Variants in IQSEC2 observed in about 807,000 individuals in gnomAD.
IQSEC2 encodes IQ motif and Sec7 domain ArfGEF 2.
Under a neutral mutation model 74.6 loss-of-function variants are expected in IQSEC2, and 6 were observed. The ratio of observed to expected loss-of-function variants is 0.08; its 90% CI spans 0.04 to 0.16. The LOEUF (loss-of-function observed/expected upper bound fraction) is 0.16, where lower values mean the gene tolerates loss of function less well. Among genes scored for constraint, IQSEC2 ranks in the 10% least tolerant of loss-of-function variants. IQSEC2 has a pLI of 1.00. For missense variants in IQSEC2, 734 were observed against 1,306.2 expected (o/e 0.56, Z 6.75); for synonymous variants, 494 against 544.5 (o/e 0.91, Z 1.29).
chrX:53,245,858 CTTT>C (rs368569948), intron 8 of IQSEC2, among the ~76,000 whole-genome samples: 2 of 75,669 alleles, frequency 2.6e-5, no homozygotes, highest in African/African-American at 4.7e-5. Flanking sequence ...CTCAATTGTT[CTTT>C]TTTTTTTTTT....
chrX:53,297,032 G>A (rs1191462810), intron 1 of IQSEC2, among the ~76,000 whole-genome samples: 3 of 107,536 alleles, frequency 2.8e-5, no homozygotes, highest in Non-Finnish European at 5.8e-5. Flanking sequence ...ATAAGGTCTC[G>A]CTCTGTCACC....
chrX:53,256,796 C>A (rs2074480075), intron 2 of IQSEC2, among the ~76,000 whole-genome samples: 1 of 112,645 alleles, frequency 8.9e-6, no homozygotes, highest in African/African-American at 3.2e-5. Context: ...AGCAGCCCTG[C>A]GGGGCAGCTT....
chrX:53,316,455 C>T (rs1307588505), intron 1 of IQSEC2, among the ~76,000 whole-genome samples: 1 of 111,105 alleles, frequency 9.0e-6, no homozygotes, highest in African/African-American at 3.3e-5. Context: ...CTCTCAGTGG[C>T]CTTAGCCCCT....
intron 2 of IQSEC2, among the ~76,000 whole-genome samples, chrX:53,266,028 T>C (rs2074650807): frequency 8.9e-6 from 1 of 112,364 alleles, no homozygotes; most frequent in African/African-American, 3.2e-5. Flanking sequence ...TTCTTAAAAC[T>C]GTAGCATCTC....
chrX:53,235,686 G>A (rs1449678105), intron 14 of IQSEC2, 97 bp downstream of exon 14: 20 of 925,301 alleles, frequency 2.2e-5, no homozygotes, highest in Non-Finnish European at 2.8e-5. Flanking sequence ...GTTCCCAGCA[G>A]GGAAGAGGGG....
chrX:53,300,026 G>C (rs782304438), intron 1 of IQSEC2, among the ~76,000 whole-genome samples: 107 of 110,058 alleles, frequency 9.7e-4, no homozygotes, highest in African/African-American at 3.4e-3. Flanking sequence ...TCCCAAAGTT[G>C]GGGGGGGAAT....
chrX:53,256,114 C>T lies in IQSEC2; in HGVS notation c.738-53G>A, dbSNP rs1192429849. On this transcript the variant is annotated intron_variant, in intron 2 of 14. Coordinates refer to ENST00000642864, the MANE Select transcript of IQSEC2 (RefSeq NM_001111125.3). ...GATGTGGGGACAGGACAGGGGCCTA[C>T]TGGGCCATACTGAGAGTGGGTGAGC... 6.6e-6 allele frequency: 7 copies of T among 1,063,465 alleles called. No individual in the cohort carries two copies. The East Asian group carries it at 2.2e-4, about 33-fold the overall frequency. 87.6% of individuals were successfully genotyped at this position (1,063,465 alleles called of 1,213,427 possible). A position where few individuals can be genotyped will look rare whatever the true frequency, so the allele number is the denominator to read the frequency against.
At position 53,248,111 on chromosome X, in the gene IQSEC2, C is replaced by T. The variant is rs782493529; in HGVS notation, c.2582+3G>A. 1 of 1,211,422 alleles carries T rather than the reference C, an allele frequency of 8.3e-7. No homozygotes were observed. The highest frequency in any genetic ancestry group is 2.2e-5 in the Admixed American group (1 of 46,045). ...CAGCTTCGCGAGTGGGAGGTAGGCA[C>T]ACCTGAAGGCTTCGATGAGTCGCTC... On this transcript the variant is annotated splice_donor_region_variant and intron_variant, in intron 7 of 14. Coordinates refer to ENST00000642864, the MANE Select transcript of IQSEC2 (RefSeq NM_001111125.3).
At chrX:53,239,048 G>A in intron 11 of IQSEC2, 147 bp downstream of exon 11, 1 of 495,880 alleles carries the variant, frequency 2.0e-6, no homozygotes, top group Non-Finnish European at 3.6e-6. Context: ...ACCCTGGCCT[G>A]CCCCTCATCC....
At chrX:53,236,532 G>A in intron 12 of IQSEC2, 37 bp from the exon 13 acceptor site, 2 of 1,166,178 alleles carry the variant, frequency 1.7e-6, no homozygotes, top group Non-Finnish European at 2.3e-6. Context: ...GCAAAGGTCA[G>A]GAACAGGAGT....
At chrX:53,304,581 T>G (rs887282310) in intron 1 of IQSEC2, among the ~76,000 whole-genome samples, 11 of 112,515 alleles carry the variant, frequency 9.8e-5, no homozygotes, top group African/African-American at 3.2e-4. Context: ...TTTTCAAATG[T>G]CTTTTTCAGG....
intron 1 of IQSEC2, among the ~76,000 whole-genome samples, chrX:53,311,914 G>A (rs1047580943): frequency 2.7e-5 from 3 of 111,146 alleles, no homozygotes; most frequent in Non-Finnish European, 5.7e-5. Context: ...GCAAAACTCC[G>A]TCTCAAAAAA....
chrX:53,311,131 A>AAAAAAAAAAAAAAAAAAAAAAG (rs1472857475), intron 1 of IQSEC2, among the ~76,000 whole-genome samples: 1 of 95,981 alleles, frequency 1.0e-5, no homozygotes, highest in African/African-American at 3.6e-5. Flanking sequence ...CAAAAAAAAA[A>AAAAAAAAAAAAAAAAAAAAAAG]AAAAGAAAAG....
intron 1 of IQSEC2, among the ~76,000 whole-genome samples, chrX:53,313,961 A>G (rs2075343803): frequency 8.9e-6 from 1 of 112,449 alleles, no homozygotes; most frequent in South Asian, 3.7e-4. Flanking sequence ...GGCTCCAGGG[A>G]GCATGAGAAA....
rs782193491 is a variant in IQSEC2, at chrX:53,238,311, G to A, written c.3116-5C>T. 1.7e-6 allele frequency: 2 copies of A among 1,209,907 alleles called. No individual in the cohort carries two copies. The highest frequency in any genetic ancestry group is 2.2e-6 in the Non-Finnish European group (2 of 893,894). On this transcript the variant is annotated splice_polypyrimidine_tract_variant and splice_region_variant and intron_variant, in intron 11 of 14. Transcript: ENST00000642864. ...ACTTGATCCCAAACTGGTAATCTGT[G>A]GAGAAAGGGGAGACTGGGCACCTCT... is the stretch of plus-strand genomic sequence containing the variant.
At position 53,250,713 on chromosome X, in the gene IQSEC2, A is replaced by G; in HGVS notation, c.1863T>C (p.Tyr621=). 2 of 1,211,586 alleles carry G rather than the reference A, an allele frequency of 1.7e-6. No individual in the cohort carries two copies. The highest frequency in any genetic ancestry group is 2.2e-6 in the Non-Finnish European group (2 of 895,446). The change falls in exon 5 of 15, where the codon TAT becomes TAC. Residue 621 remains tyrosine, a synonymous_variant. Coordinates refer to ENST00000642864, the MANE Select transcript of IQSEC2 (RefSeq NM_001111125.3). ...CATGGGGGCTGCAGCCATCAGCCTC[A>G]TACACCAGCTGGCGGTGGACAGAGC... is the stretch of plus-strand genomic sequence containing the variant. ...DRGSVHRQLV[Y]EADGCSPHGT... is the part of the protein sequence containing the mutation.
At chrX:53,255,602 C>T (rs1171330574) in intron 3 of IQSEC2, among the ~76,000 whole-genome samples, 198 bp downstream of exon 3, 1 of 111,394 alleles carries the variant, frequency 9.0e-6, no homozygotes, top group African/African-American at 3.3e-5. Context: ...GTAAATGTTT[C>T]TTGAGTGAAT....
rs1191252815 is a variant in IQSEC2, at chrX:53,321,318, G to A, written c.-195C>T. 16 of 265,240 alleles carry A rather than the reference G, an allele frequency of 6.0e-5. No individual in the cohort carries two copies. The highest frequency in any genetic ancestry group is 9.7e-5 in the Non-Finnish European group (15 of 154,315). The allele number at this position is 265,240 out of a possible 1,213,427, so 21.9% of individuals were successfully genotyped here. A position where few individuals can be genotyped will look rare whatever the true frequency, so the allele number is the denominator to read the frequency against. ...GGCGGCACGGGGAGCAGGAGCTGAG[G>A]CTGCCGCCGCCACCACCACCACCAC... On this transcript the variant is annotated 5_prime_UTR_variant, in exon 1 of 15. Transcript: ENST00000642864.
intron 2 of IQSEC2, among the ~76,000 whole-genome samples, chrX:53,278,061 A>AGT (rs1454766624): frequency 2.0e-4 from 16 of 78,117 alleles, no homozygotes; most frequent in Admixed American, 8.4e-4. Flanking sequence ...CCCAGGCTGG[A>AGT]GTGCAGTGGT....
Sources: allele counts gnomAD v4.1 joint callset (sites outside exome capture counted in the v4.1 genomes callset), GRCh38; gene constraint gnomAD v4.1.1; transcripts MANE v1.5; gene names NCBI Gene and HGNC (gene_info 2026-07-23, HGNC 2026-07-21).